ADGRD1: variants seen among roughly 807,000 people sequenced by gnomAD.
ADGRD1 encodes the protein G-protein coupled receptor 133.
In ADGRD1, 77 loss-of-function variants were observed where a neutral mutation model predicts 113.4. The ratio of observed to expected loss-of-function variants is 0.68; its 90% CI spans 0.57 to 0.82. The LOEUF is 0.82. ADGRD1 is among the 40% of genes least tolerant of loss of function. ADGRD1 has a pLI of 0.00. For synonymous variants in ADGRD1, 474 were observed against 475.0 expected, an observed-to-expected ratio of 1.00 and a Z score of 0.03; for missense variants, 1,036 against 1,139.1, an observed-to-expected ratio of 0.91 and a Z score of 1.30.
intron 4 of ADGRD1, chr12:130,978,218 T>G (rs757522643): frequency 9.2e-5 from 14 of 152,248 alleles, no homozygotes; most frequent in Non-Finnish European, 1.3e-4. Context: ...GTGACAAATA[T>G]TCTTTCCCTG....
chr12:130,955,724 A>C (rs1869483607), intron 2 of ADGRD1, among the ~76,000 whole-genome samples: 1 of 152,060 alleles, frequency 6.6e-6, no homozygotes, highest in African/African-American at 2.4e-5. Context: ...CACCCCCCCG[A>C]GCGCTATTGT....
chr12:131,086,948 C>T (rs930942560), intron 15 of ADGRD1, among the ~76,000 whole-genome samples: 2 of 152,178 alleles, frequency 1.3e-5, no homozygotes, highest in East Asian at 1.9e-4. Flanking sequence ...CCCTGTTGCC[C>T]AGGCTGGAGT....
intron 4 of ADGRD1, chr12:130,973,215 C>A (rs1871900316): frequency 6.6e-6 from 1 of 152,232 alleles, no homozygotes; most frequent in Non-Finnish European, 1.5e-5. Context: ...TCAGGTCGAA[C>A]AGAGCCTGTC....
intron 9 of ADGRD1, among the ~76,000 whole-genome samples, chr12:131,001,728 T>C (rs1043263857): frequency 6.6e-6 from 1 of 152,188 alleles, no homozygotes; most frequent in African/African-American, 2.4e-5. Context: ...GGTGCTGGCT[T>C]CTCAATATGT....
intron 14 of ADGRD1, among the ~76,000 whole-genome samples, chr12:131,083,894 A>T (rs1433318005): frequency 1.3e-5 from 2 of 152,058 alleles, no homozygotes; most frequent in African/African-American, 2.4e-5. Flanking sequence ...TTTCTGTGTG[A>T]GCGTTTTCTC....
intron 15 of ADGRD1, among the ~76,000 whole-genome samples, chr12:131,101,550 G>C (rs937980849): frequency 6.6e-6 from 1 of 151,650 alleles, no homozygotes; most frequent in Non-Finnish European, 1.5e-5. Context: ...ATCATGTCTG[G>C]CTAATTTTTG....
Position 131,120,859 on chromosome 12 carries a change from G to A in ADGRD1, c.2121G>A (p.Ser707=), listed in dbSNP as rs1445207312. The change falls in exon 20 of 25, where the codon TCG becomes TCA. Residue 707 remains serine, a synonymous_variant. Transcript: ENST00000261654. ...CTTCCCTCCGCAGTTGCTGGCTGTCGTTGGCGAGTGGCGCCATCTGGGCCT... is the reference window on the plus strand; with the variant it reads ...CTTCCCTCCGCAGTTGCTGGCTGTCATTGGCGAGTGGCGCCATCTGGGCCT... ...SYGTSNNCWL[S]LASGAIWAFV... is the part of the protein sequence containing the mutation. 16 of 1,614,240 alleles carry A rather than the reference G, an allele frequency of 9.9e-6. No homozygotes were observed. Among genetic ancestry groups the A allele is most frequent in the East Asian group, 2.2e-5 (1 of 44,874 alleles).
intron 13 of ADGRD1, among the ~76,000 whole-genome samples, chr12:131,051,486 C>CTTTTG (rs1883383762): frequency 6.8e-6 from 1 of 147,166 alleles, no homozygotes; most frequent in African/African-American, 2.5e-5. Flanking sequence ...TCTTTCTTTT[C>CTTTTG]TTTTTTTTTT....
At chr12:130,993,081 G>A (rs1011463988) in intron 8 of ADGRD1, among the ~76,000 whole-genome samples, 1 of 152,158 alleles carries the variant, frequency 6.6e-6, no homozygotes, top group Non-Finnish European at 1.5e-5. Flanking sequence ...GTTACTCTGT[G>A]TCCTTGGTCA....
intron 15 of ADGRD1, among the ~76,000 whole-genome samples, chr12:131,095,026 C>T (rs2137271761): frequency 6.6e-6 from 1 of 152,246 alleles, no homozygotes; most frequent in African/African-American, 2.4e-5. Context: ...CAGGGCCCTC[C>T]CCTGTACCCT....
At chr12:131,137,133 C>A in intron 23 of ADGRD1, 119 bp downstream of exon 23, 1 of 830,562 alleles carries the variant, frequency 1.2e-6, no homozygotes, top group Non-Finnish European at 2.1e-6. Flanking sequence ...AAATCCTGAG[C>A]CAGCCACGTT....
intron 13 of ADGRD1, among the ~76,000 whole-genome samples, chr12:131,048,753 G>A (rs1014127768): frequency 2.0e-5 from 3 of 152,208 alleles, no homozygotes; most frequent in Admixed American, 6.5e-5. Context: ...AGATGCTGGC[G>A]TGGCCCTCCT....
Position 131,096,824 on chromosome 12 carries a change from G to A in ADGRD1, c.1672-8007G>A, listed in dbSNP as rs541357098. On this transcript the variant is annotated intron_variant, in intron 15 of 24. Transcript: ENST00000261654. This position sits in a 1 kb window ranked among gnomAD's most constrained non-coding sequence, Gnocchi z 5.2. ...AGCCCTGAGTTCCCAGTCATGTTGA[G>A]TCCTGGGTTCTGCTCTGAGATCCAC... Among the ~76,000 whole-genome samples, 10 of 152,354 alleles carry A rather than the reference G, an allele frequency of 6.6e-5. No homozygotes were observed. The highest frequency in any genetic ancestry group is 2.4e-4 in the African/African-American group (10 of 41,582).
chr12:131,083,422 C>T (rs531188910), intron 14 of ADGRD1, among the ~76,000 whole-genome samples: 62 of 152,014 alleles, frequency 4.1e-4, no homozygotes, highest in Non-Finnish European at 8.2e-4. Context: ...AGCAACATAG[C>T]AAGACTATAT....
At chr12:131,110,874 AAGT>A (rs1345208155) in intron 18 of ADGRD1, among the ~76,000 whole-genome samples, 2 of 152,222 alleles carry the variant, frequency 1.3e-5, no homozygotes, top group Admixed American at 6.5e-5. Flanking sequence ...CATTTTTAAA[AAGT>A]AGTTTTTCTA....
chr12:131,053,703 G>A (rs377584164), intron 13 of ADGRD1, among the ~76,000 whole-genome samples: 6 of 152,258 alleles, frequency 3.9e-5, no homozygotes, highest in African/African-American at 1.4e-4. Flanking sequence ...AGTGTGCTGC[G>A]ACAACCCCAC....
intron 13 of ADGRD1, among the ~76,000 whole-genome samples, chr12:131,031,000 C>G (rs1313389130): frequency 5.9e-5 from 9 of 152,200 alleles, no homozygotes; most frequent in African/African-American, 2.2e-4. Context: ...GCCAGGGCCC[C>G]CACCGAGGGC....
At chr12:131,031,870 T>C (rs992366953) in intron 13 of ADGRD1, among the ~76,000 whole-genome samples, 2 of 152,168 alleles carry the variant, frequency 1.3e-5, no homozygotes, top group African/African-American at 4.8e-5. Flanking sequence ...CATTGCCTCG[T>C]CCCCGCACAT....
chr12:131,068,590 C>A (rs1232561048), intron 13 of ADGRD1, among the ~76,000 whole-genome samples: 1 of 152,148 alleles, frequency 6.6e-6, no homozygotes, highest in Non-Finnish European at 1.5e-5. Context: ...TATTCTCATG[C>A]GAAAAACCAC....
Sources: allele counts gnomAD v4.1 joint callset (sites outside exome capture counted in the v4.1 genomes callset), GRCh38; gene constraint gnomAD v4.1.1; non-coding constraint Gnocchi (gnomAD v3.1); transcripts MANE v1.5; gene names NCBI Gene and HGNC (gene_info 2026-07-23, HGNC 2026-07-21).